The following PACRG variants were observed in gnomAD, a reference collection of about 807,000 sequenced individuals.
PACRG encodes the protein parkin coregulated gene protein.
Under a neutral mutation model 29.7 loss-of-function variants are expected in PACRG, and 29 were observed. The ratio of observed to expected loss-of-function variants is 0.98; its 90% CI spans 0.73 to 1.33. PACRG has a LOEUF of 1.33. Among genes scored for constraint, PACRG ranks in the 40% most tolerant of loss-of-function variants. The probability of loss-of-function intolerance (pLI) is 0.00; values close to 1 mark genes in which losing one functional copy is unlikely to be tolerated. For synonymous variants in PACRG, 116 were observed against 118.7 expected (o/e 0.98, Z 0.15); for missense variants, 279 against 316.2 (o/e 0.88, Z 0.89).
chr6:163,027,439 T>C (rs1451908071), intron 2 of PACRG, among the ~76,000 whole-genome samples: 1 of 152,256 alleles, frequency 6.6e-6, no homozygotes, highest in Non-Finnish European at 1.5e-5. Context: ...TTAAAATTGC[T>C]GTTTCCAAAT....
intron 2 of PACRG, among the ~76,000 whole-genome samples, chr6:162,896,349 A>G (rs1014787930): frequency 6.6e-6 from 1 of 152,168 alleles, no homozygotes; most frequent in African/African-American, 2.4e-5. Flanking sequence ...ATGAGTTTAG[A>G]ATGACACATT....
intron 2 of PACRG, among the ~76,000 whole-genome samples, chr6:162,855,642 T>A (rs746435820): frequency 2.6e-5 from 4 of 152,128 alleles, no homozygotes; most frequent in Non-Finnish European, 5.9e-5. Flanking sequence ...AGCTCTCCTG[T>A]CAATTTGAAT....
chr6:163,012,206 A>G (rs940426459), intron 2 of PACRG, among the ~76,000 whole-genome samples: 4 of 152,246 alleles, frequency 2.6e-5, no homozygotes, highest in Non-Finnish European at 5.9e-5. Flanking sequence ...CCTAAGGTCC[A>G]AAAGAAAATA....
At chr6:163,107,652 T>C (rs1253299826) in intron 4 of PACRG, among the ~76,000 whole-genome samples, 1 of 152,214 alleles carries the variant, frequency 6.6e-6, no homozygotes, top group Non-Finnish European at 1.5e-5. Context: ...TTCATGAGTT[T>C]CCATAGATTT....
chr6:162,828,227 T>C (rs895891263), intron 2 of PACRG, among the ~76,000 whole-genome samples: 10 of 152,336 alleles, frequency 6.6e-5, no homozygotes, highest in Non-Finnish European at 1.5e-4. Flanking sequence ...TTGGTAGCTC[T>C]ATTTATTTTT....
intron 2 of PACRG, among the ~76,000 whole-genome samples, chr6:162,920,149 G>C (rs1796968109): frequency 1.4e-5 from 2 of 147,316 alleles, no homozygotes; most frequent in South Asian, 4.2e-4. Flanking sequence ...AATGGGAGGA[G>C]GAAAGGGAAA....
At chr6:163,297,946 C>CCT (rs1784842609) in intron 4 of PACRG, among the ~76,000 whole-genome samples, 1 of 152,182 alleles carries the variant, frequency 6.6e-6, no homozygotes, top group South Asian at 2.1e-4. Flanking sequence ...CGTGCAGTGT[C>CCT]CTCTGCATTG....
At chr6:162,946,741 A>C (rs1342625634) in intron 2 of PACRG, among the ~76,000 whole-genome samples, 2 of 152,168 alleles carry the variant, frequency 1.3e-5, no homozygotes, top group East Asian at 1.9e-4. Flanking sequence ...AAATACTAGC[A>C]AACCAAATTC....
intron 2 of PACRG, among the ~76,000 whole-genome samples, chr6:162,907,641 G>A (rs1018071468): frequency 1.3e-5 from 2 of 151,932 alleles, no homozygotes; most frequent in South Asian, 2.1e-4. Flanking sequence ...TGAAGTATGC[G>A]TGACTCTTTC....
At chr6:163,199,443 T>A (rs1780605692) in intron 4 of PACRG, among the ~76,000 whole-genome samples, 1 of 152,122 alleles carries the variant, frequency 6.6e-6, no homozygotes. Flanking sequence ...CCTTCAAGGC[T>A]CATGACAACC....
intron 2 of PACRG, among the ~76,000 whole-genome samples, chr6:162,842,710 G>A (rs868852162): frequency 3.3e-3 from 412 of 126,184 alleles, no homozygotes; most frequent in Admixed American, 5.1e-3. Context: ...TTTACATTTT[G>A]GCATGATTTT....
At chr6:163,149,988 T>C (rs1343007455) in intron 4 of PACRG, among the ~76,000 whole-genome samples, 3 of 152,218 alleles carry the variant, frequency 2.0e-5, no homozygotes, top group Non-Finnish European at 2.9e-5. Context: ...ATTTTTAATT[T>C]TCCCTGCGGG....
In PACRG at chr6:162,824,974, T is replaced by C. The variant is rs76504012; in HGVS notation, c.291+10693T>C. On this transcript the variant is annotated intron_variant, in intron 2 of 4. Coordinates refer to ENST00000366888, the MANE Select transcript of PACRG (RefSeq NM_001080379.2). Reference sequence around the variant, plus strand: ...AATTTCTGTAGACAAACTTTTCAAATTGAGAGTCTCTATAAAACTTTTGCC... The same window carrying C: ...AATTTCTGTAGACAAACTTTTCAAACTGAGAGTCTCTATAAAACTTTTGCC... Among the ~76,000 whole-genome samples the C allele has an allele frequency of 2.8e-3, 428 of 152,356 alleles. 4 individuals carry two copies. Among genetic ancestry groups the C allele is most frequent in the Non-Finnish European group, 3.4e-3 (230 of 68,024 alleles).
intron 2 of PACRG, among the ~76,000 whole-genome samples, chr6:162,819,226 C>T (rs1245830052): frequency 6.6e-6 from 1 of 152,150 alleles, no homozygotes; most frequent in Non-Finnish European, 1.5e-5. Flanking sequence ...AAAAATGTAT[C>T]TTCCTCACTG....
At chr6:163,009,246 T>C (rs1170937624) in intron 2 of PACRG, among the ~76,000 whole-genome samples, 2 of 152,200 alleles carry the variant, frequency 1.3e-5, no homozygotes, top group Admixed American at 6.5e-5. Context: ...AGGTCATCCA[T>C]TGAGATTTCA....
intron 4 of PACRG, among the ~76,000 whole-genome samples, chr6:163,255,162 C>T (rs745709473): frequency 5.3e-5 from 8 of 152,088 alleles, no homozygotes; most frequent in Non-Finnish European, 7.4e-5. Context: ...GGATTTTGCC[C>T]GGCTGCAGAG....
chr6:163,076,433 A>T (rs983387691), intron 3 of PACRG, among the ~76,000 whole-genome samples: 2 of 152,036 alleles, frequency 1.3e-5, no homozygotes, highest in Admixed American at 1.3e-4. Context: ...AAGTCAGTTT[A>T]CCTGCTTTCT....
intron 4 of PACRG, among the ~76,000 whole-genome samples, chr6:163,296,928 G>T (rs1784798428): frequency 6.6e-6 from 1 of 151,852 alleles, no homozygotes; most frequent in African/African-American, 2.4e-5. Context: ...AAAAGTAAAA[G>T]AAATACCAGA....
chr6:162,789,891 T>C (rs900552966), intron 1 of PACRG, among the ~76,000 whole-genome samples: 1 of 152,116 alleles, frequency 6.6e-6, no homozygotes, highest in Non-Finnish European at 1.5e-5. Context: ...TGTTGTACTT[T>C]AGCATGATTT....
Sources: gnomAD v4.1 joint callset for allele counts (sites outside exome capture counted in the v4.1 genomes callset) on GRCh38, gnomAD v4.1.1 for gene constraint, MANE v1.5 for transcripts, NCBI Gene and HGNC (gene_info 2026-07-23, HGNC 2026-07-21) for gene names.